The following RTL4 variants were observed in gnomAD, a reference collection of about 807,000 sequenced individuals.
The protein encoded by RTL4 is retrotransposon Gag like 4, also known as retrotransposon Gag-like protein 4.
Under a neutral mutation model 5.3 loss-of-function variants are expected in RTL4, and 4 were observed. The ratio of observed to expected loss-of-function variants is 0.75; its 90% CI spans 0.37 to 1.72. RTL4 has a LOEUF of 1.72. Ranked by LOEUF, RTL4 falls within the 40% of genes most tolerant of loss-of-function variation. The pLI, the probability that RTL4 is intolerant of heterozygous loss-of-function variation, is 0.04. For missense variants in RTL4, 260 were observed against 227.1 expected, an observed-to-expected ratio of 1.14 and a Z score of -0.93; for synonymous variants, 98 against 87.3, an observed-to-expected ratio of 1.12 and a Z score of -0.68.
chrX:112,347,721 T>C, the RTL4 span, among the ~76,000 whole-genome samples: 2 of 111,347 alleles, frequency 1.8e-5, no homozygotes, highest in Non-Finnish European at 3.8e-5. Flanking sequence ...TAATCAACCA[T>C]CAAATAAAAA....
At chrX:112,372,790 C>A in the RTL4 span, among the ~76,000 whole-genome samples, 5 of 111,861 alleles carry the variant, frequency 4.5e-5, no homozygotes, top group East Asian at 1.1e-3. Context: ...TTAGTTCTCC[C>A]AAATTGAGTG....
the RTL4 span, among the ~76,000 whole-genome samples, chrX:112,176,751 C>G: frequency 9.0e-6 from 1 of 111,109 alleles, no homozygotes; most frequent in African/African-American, 3.3e-5. Context: ...TCCTATTGTA[C>G]TATTGAATAC....
chrX:112,083,513 A>G, the RTL4 span, among the ~76,000 whole-genome samples: 1 of 111,660 alleles, frequency 9.0e-6, no homozygotes, highest in Non-Finnish European at 1.9e-5. Flanking sequence ...TGATAGATCT[A>G]GATTAATCTA....
the RTL4 span, among the ~76,000 whole-genome samples, chrX:112,242,212 GT>G: frequency 8.9e-6 from 1 of 111,931 alleles, no homozygotes; most frequent in Non-Finnish European, 1.9e-5. Flanking sequence ...GTTTAAAGTA[GT>G]TTTTTCCAAT....
the RTL4 span, among the ~76,000 whole-genome samples, chrX:112,326,282 G>T: frequency 2.7e-5 from 3 of 111,588 alleles, no homozygotes; most frequent in Non-Finnish European, 5.6e-5. Flanking sequence ...GTGGGCGCAG[G>T]TCAGTGGATG....
chrX:112,273,842 C>T, the RTL4 span, among the ~76,000 whole-genome samples: 1 of 111,550 alleles, frequency 9.0e-6, no homozygotes. Flanking sequence ...AATTATGTCA[C>T]AGAATTGTTA....
the RTL4 span, among the ~76,000 whole-genome samples, chrX:112,129,838 A>G: frequency 1.6e-4 from 18 of 112,321 alleles, no homozygotes; most frequent in African/African-American, 5.8e-4. Flanking sequence ...ATACAAAATC[A>G]GTTATATTTA....
the RTL4 span, among the ~76,000 whole-genome samples, chrX:112,283,821 A>G: frequency 9.1e-6 from 1 of 109,853 alleles, no homozygotes; most frequent in Non-Finnish European, 1.9e-5. Flanking sequence ...TGCCAACCCT[A>G]CTCTGACTCC....
the RTL4 span, among the ~76,000 whole-genome samples, chrX:112,258,239 C>A: frequency 1.5e-4 from 17 of 110,596 alleles, no homozygotes; most frequent in South Asian, 6.6e-3. Context: ...TCCAGCAAAA[C>A]CCATAAATTA....
At chrX:112,391,217 T>A in the RTL4 span, among the ~76,000 whole-genome samples, 1 of 112,005 alleles carries the variant, frequency 8.9e-6, no homozygotes, top group African/African-American at 3.2e-5. Flanking sequence ...TCCTGTATTG[T>A]TTTATTGTGA....
chrX:112,324,202 G>C, the RTL4 span, among the ~76,000 whole-genome samples: 128 of 112,238 alleles, frequency 1.1e-3, no homozygotes, highest in African/African-American at 4.0e-3. Context: ...TTTCGTATCT[G>C]GCTTCTTTCA....
chrX:112,411,253 TC>T, the RTL4 span, among the ~76,000 whole-genome samples: 1 of 111,391 alleles, frequency 9.0e-6, no homozygotes, highest in Non-Finnish European at 1.9e-5. Flanking sequence ...ACTGATGGAT[TC>T]CCTGCTGAAT....
the RTL4 span, among the ~76,000 whole-genome samples, chrX:112,306,555 C>T: frequency 9.0e-6 from 1 of 111,464 alleles, no homozygotes; most frequent in Admixed American, 9.6e-5. Context: ...ACCTAGCCAG[C>T]CTGACTCCAG....
the RTL4 span, among the ~76,000 whole-genome samples, chrX:112,410,989 A>G: frequency 8.9e-6 from 1 of 111,828 alleles, no homozygotes; most frequent in Non-Finnish European, 1.9e-5. Flanking sequence ...ACCAGAATGA[A>G]AAAGGAGAGG....
At chrX:112,284,528 A>G in the RTL4 span, among the ~76,000 whole-genome samples, 88 of 111,513 alleles carry the variant, frequency 7.9e-4, no homozygotes, top group Non-Finnish European at 1.3e-3. Context: ...TTCTCTGCTC[A>G]TGCTAAATTT....
the RTL4 span, among the ~76,000 whole-genome samples, chrX:112,142,410 C>T: frequency 1.5e-4 from 17 of 112,192 alleles, no homozygotes; most frequent in South Asian, 5.6e-3. Context: ...ATCTTCCTAT[C>T]CTGATGGTGG....
At chrX:112,412,354 T>C in the RTL4 span, among the ~76,000 whole-genome samples, 1 of 111,443 alleles carries the variant, frequency 9.0e-6, no homozygotes, top group Non-Finnish European at 1.9e-5. Flanking sequence ...GAAATAACAA[T>C]TGTCAAATTT....
chrX:112,263,143 T>C, the RTL4 span, among the ~76,000 whole-genome samples: 1 of 105,502 alleles, frequency 9.5e-6, no homozygotes. Context: ...ACATGGCACA[T>C]GTATACATAT....
chrX:112,163,542 T>C, the RTL4 span, among the ~76,000 whole-genome samples: 98 of 112,000 alleles, frequency 8.8e-4, no homozygotes, highest in East Asian at 0.021. Flanking sequence ...GAGGCCTACA[T>C]GTCTTTTTCT....
Sources: allele counts gnomAD v4.1 joint callset (sites outside exome capture counted in the v4.1 genomes callset), GRCh38; gene constraint gnomAD v4.1.1; transcripts MANE v1.5; gene names NCBI Gene and HGNC (gene_info 2026-07-23, HGNC 2026-07-21).